The following NPLOC4 variants were observed in gnomAD, a reference collection of about 807,000 sequenced individuals.
NPLOC4 encodes NPL4 homolog, ubiquitin recognition factor, also known as nuclear protein localization protein 4 homolog.
Under a neutral mutation model 80.6 loss-of-function variants are expected in NPLOC4, and 18 were observed. That is an observed-to-expected ratio of 0.22 (90% CI 0.15 to 0.33). The LOEUF is 0.33. NPLOC4 is among the 10% of genes least tolerant of loss of function. NPLOC4 has a pLI of 1.00. For missense variants in NPLOC4, 540 were observed against 786.1 expected, an observed-to-expected ratio of 0.69 and a Z score of 3.74; for synonymous variants, 313 against 301.5, an observed-to-expected ratio of 1.04 and a Z score of -0.39.
At chr17:81,603,893 T>G (rs2035131633) in intron 8 of NPLOC4, among the ~76,000 whole-genome samples, 1 of 152,212 alleles carries the variant, frequency 6.6e-6, no homozygotes, top group South Asian at 2.1e-4. Context: ...TCATTATACA[T>G]AATTACAAAA....
chr17:81,563,234 C>T (rs1167668598), intron 16 of NPLOC4: 1 of 151,906 alleles, frequency 6.6e-6, no homozygotes, highest in Non-Finnish European at 1.5e-5. Context: ...GCCACCATGC[C>T]CAGCTAATTT....
intron 12 of NPLOC4, among the ~76,000 whole-genome samples, chr17:81,588,672 G>C (rs1358512570): frequency 6.6e-6 from 1 of 152,238 alleles, no homozygotes; most frequent in Non-Finnish European, 1.5e-5. Flanking sequence ...TTTAGAAACT[G>C]AGACTGTCTG....
At chr17:81,605,814 AAC>A (rs111675438) in intron 7 of NPLOC4, among the ~76,000 whole-genome samples, 17,327 of 151,132 alleles carry the variant, frequency 0.11, 1,530 homozygotes, top group East Asian at 0.43. Flanking sequence ...GCAAAAAACA[AAC>A]ACATTTTCTT....
chr17:81,589,033 C>T lies in NPLOC4; in HGVS notation c.1192G>A (p.Glu398Lys). The change falls in exon 12 of 17, where the codon GAG becomes AAG. Residue 398 changes from glutamate (E) to lysine (K), a missense_variant. Glu to Lys is a moderately conservative substitution (Grantham distance 56, BLOSUM62 1). Transcript: ENST00000331134. ...SNQCMALVRDECLLPCKDAPE... is the reference protein window; with the variant it reads ...SNQCMALVRDKCLLPCKDAPE... The stretch of plus-strand genomic sequence containing the variant: ...GCGTCCTTGCATGGCAGCAAACACT[C>T]ATCACGGACCAGTGCCATACACTGA... 3 of 1,614,032 alleles carry T rather than the reference C, an allele frequency of 1.9e-6. No homozygotes were observed. The highest frequency in any genetic ancestry group is 2.5e-6 in the Non-Finnish European group (3 of 1,179,876).
At chr17:81,594,815 G>A (rs1364367880) in intron 11 of NPLOC4, among the ~76,000 whole-genome samples, 10 of 151,918 alleles carry the variant, frequency 6.6e-5, no homozygotes, top group Admixed American at 1.3e-4. Flanking sequence ...GCGTGGTGGC[G>A]CACGCGTGTA....
intron 3 of NPLOC4, among the ~76,000 whole-genome samples, chr17:81,615,481 G>A (rs1317091189): frequency 6.6e-6 from 1 of 152,130 alleles, no homozygotes; most frequent in Non-Finnish European, 1.5e-5. Context: ...TTACACACAA[G>A]ATCAATTTTA....
chr17:81,571,461 C>T (rs1205958662), intron 13 of NPLOC4, among the ~76,000 whole-genome samples: 1 of 152,200 alleles, frequency 6.6e-6, no homozygotes, highest in Non-Finnish European at 1.5e-5. Flanking sequence ...TCCTGGAGTT[C>T]CACCCAGTAA....
Position 81,602,915 on chromosome 17 carries a change from GTATATATACACACACACATA to G in NPLOC4, c.834+1613_834+1632del, listed in dbSNP as rs752857994. On this transcript the variant is annotated intron_variant, in intron 8 of 16. Transcript: ENST00000331134. ...TATATACACATACATACATATATAT[GTATATATACACACACACATA>G]TATATATACACACACATATATATAC... 8.0e-3 allele frequency among the ~76,000 whole-genome samples: 1,026 copies of G among 128,772 alleles called. 9 individuals carry two copies. Among genetic ancestry groups the G allele is most frequent in the African/African-American group, 0.03 (983 of 33,016 alleles). 84.5% of individuals were successfully genotyped at this position (128,772 alleles called of 152,430 possible).
In NPLOC4 at chr17:81,572,081, T is replaced by C; in HGVS notation, c.1289A>G (p.Asp430Gly). ...YVPDVFYKDV[D>G]KFGNEITQLA... is the part of the protein sequence containing the mutation. ...CTGGGTGATCTCGTTGCCAAACTTG[T>C]CTACGTCCTGCAATAGTCAGAGGGG... is the stretch of plus-strand genomic sequence containing the variant. Residue 430 changes from aspartate to glycine, a missense_variant, in exon 13 of 17, where the codon GAC becomes GGC. Asp to Gly is a moderately conservative substitution (Grantham distance 94). Around this residue, in one of 6 missense-constraint regions of NPLOC4, gnomAD observed 251 missense variants for 377.5 expected, o/e 0.66. Transcript: ENST00000331134. The surrounding 1 kb of genome is among the most constrained non-coding windows in gnomAD (Gnocchi z 4.5). The C allele has an allele frequency of 6.2e-7, 1 of 1,608,756 alleles. No individual in the cohort carries two copies.
At chr17:81,624,696 G>C (rs1034627865) in intron 2 of NPLOC4, among the ~76,000 whole-genome samples, 2 of 152,180 alleles carry the variant, frequency 1.3e-5, no homozygotes, top group Non-Finnish European at 2.9e-5. Context: ...TAAGCACTAC[G>C]ACAGAAAAGG....
intron 12 of NPLOC4, among the ~76,000 whole-genome samples, chr17:81,583,763 G>C (rs1281419403): frequency 6.6e-6 from 1 of 152,192 alleles, no homozygotes; most frequent in Non-Finnish European, 1.5e-5. Context: ...GGGCAAAGCT[G>C]TAGACTCTCC....
intron 3 of NPLOC4, among the ~76,000 whole-genome samples, chr17:81,620,735 A>C (rs2035641456): frequency 6.6e-6 from 1 of 152,206 alleles, no homozygotes; most frequent in African/African-American, 2.4e-5. Flanking sequence ...GGGCAAGAGC[A>C]GCGGGACAAG....
chr17:81,631,802 A>AT (rs964303653), intron 1 of NPLOC4, among the ~76,000 whole-genome samples: 109 of 148,420 alleles, frequency 7.3e-4, no homozygotes, highest in African/African-American at 1.9e-3. Flanking sequence ...TATTTAGCTC[A>AT]TTTTTTTTTT....
At chr17:81,619,269 C>T (rs893954933) in intron 3 of NPLOC4, among the ~76,000 whole-genome samples, 1 of 151,236 alleles carries the variant, frequency 6.6e-6, no homozygotes, top group African/African-American at 2.4e-5. Context: ...CCCAGCTATT[C>T]GGGAGGCTGA....
chr17:81,599,476 T>C (rs570104173), intron 9 of NPLOC4, among the ~76,000 whole-genome samples: 1 of 152,282 alleles, frequency 6.6e-6, no homozygotes, highest in Admixed American at 6.5e-5. Context: ...TGACTCCTTG[T>C]TAGAAACAGG....
intron 4 of NPLOC4, among the ~76,000 whole-genome samples, chr17:81,610,941 A>C (rs2035323999): frequency 3.1e-5 from 1 of 32,648 alleles, no homozygotes; most frequent in African/African-American, 7.5e-5. Context: ...CCTGGGCGAC[A>C]GAGCGAGACT....
At chr17:81,635,060 G>T (rs1275482888) in intron 1 of NPLOC4, among the ~76,000 whole-genome samples, 1 of 151,910 alleles carries the variant, frequency 6.6e-6, no homozygotes, top group Non-Finnish European at 1.5e-5. Context: ...AAGATTTAAA[G>T]GCCAGGCGCG....
At chr17:81,584,899 G>A (rs1226667065) in intron 12 of NPLOC4, among the ~76,000 whole-genome samples, 1 of 152,156 alleles carries the variant, frequency 6.6e-6, no homozygotes, top group African/African-American at 2.4e-5. Flanking sequence ...CAGCACGGTG[G>A]CTCACGCCTA....
chr17:81,595,580 T>G (rs956627666), intron 11 of NPLOC4, among the ~76,000 whole-genome samples: 2 of 150,488 alleles, frequency 1.3e-5, no homozygotes, highest in Non-Finnish European at 3.0e-5. Flanking sequence ...AGGCTCACCC[T>G]GTCACCCAGG....
Sources: allele counts gnomAD v4.1 joint callset (sites outside exome capture counted in the v4.1 genomes callset), GRCh38; gene constraint gnomAD v4.1.1; regional missense constraint gnomAD v4.1.1; non-coding constraint Gnocchi (gnomAD v3.1); transcripts MANE v1.5; gene names NCBI Gene and HGNC (gene_info 2026-07-23, HGNC 2026-07-21).